The following MAST2 variants were observed in gnomAD, a reference collection of about 807,000 sequenced individuals.
MAST2 encodes microtubule-associated serine/threonine-protein kinase 2.
A neutral mutation model predicts 147.4 loss-of-function variants in MAST2; 70 were observed. That is an observed-to-expected ratio of 0.47 (90% CI 0.39 to 0.58). The LOEUF (loss-of-function observed/expected upper bound fraction) is 0.58, where lower values mean the gene tolerates loss of function less well. Ranked by LOEUF, MAST2 falls within the 20% of genes least tolerant of loss-of-function variation. The pLI is 0.00. For synonymous variants in MAST2, 869 were observed against 896.8 expected, an observed-to-expected ratio of 0.97 and a Z score of 0.55; for missense variants, 2,080 against 2,302.3, an observed-to-expected ratio of 0.90 and a Z score of 1.98.
intron 7 of MAST2, among the ~76,000 whole-genome samples, chr1:46,005,090 C>T (rs1314871915): frequency 6.6e-6 from 1 of 152,140 alleles, no homozygotes; most frequent in Admixed American, 6.5e-5. Context: ...AGGCTGGGCG[C>T]GGTGGCTCAC....
chr1:45,973,228 C>G (rs925607977), intron 5 of MAST2, among the ~76,000 whole-genome samples: 1 of 143,502 alleles, frequency 7.0e-6, no homozygotes, highest in African/African-American at 2.7e-5. Context: ...AACTCCAGTT[C>G]TTAAGACTTT....
intron 11 of MAST2, among the ~76,000 whole-genome samples, 178 bp downstream of exon 11, chr1:46,019,875 G>A (rs574749725): frequency 3.9e-5 from 6 of 152,344 alleles, no homozygotes; most frequent in East Asian, 3.9e-4. Flanking sequence ...ACAAATGTAT[G>A]GTCCTGAGGG....
rs1652552006 is a variant in MAST2 at position 45,916,557 on chromosome 1, T to C, written c.500+34162T>C. ...ATCTAAAATTTAAGTAGAAGCAAAA[T>C]ACATAGTTAACTGACATTATATGAT... On this transcript the variant is annotated intron_variant, in intron 4 of 28. Coordinates refer to ENST00000361297, the MANE Select transcript of MAST2 (RefSeq NM_015112.3). Among the ~76,000 whole-genome samples the C allele has an allele frequency of 2.0e-5, 3 of 152,316 alleles. No individual in the cohort carries two copies. The East Asian group carries it at 5.8e-4, about 29-fold the overall frequency.
At chr1:45,928,679 C>T (rs1340444338) in intron 4 of MAST2, among the ~76,000 whole-genome samples, 1 of 151,700 alleles carries the variant, frequency 6.6e-6, no homozygotes, top group Non-Finnish European at 1.5e-5. Context: ...ACTCCAGGCT[C>T]AAACAATCCT....
intron 17 of MAST2, 143 bp downstream of exon 17, chr1:46,028,006 C>T: frequency 2.2e-6 from 2 of 923,570 alleles, no homozygotes; most frequent in Non-Finnish European, 3.3e-6. Flanking sequence ...AGTGAGACCC[C>T]ATCTCTACAT....
Position 45,963,092 on chromosome 1 carries a change from C to A in MAST2, c.592+3615C>A, listed in dbSNP as rs200512669. On this transcript the variant is annotated intron_variant, in intron 5 of 28. Coordinates refer to ENST00000361297, the MANE Select transcript of MAST2 (RefSeq NM_015112.3). ...TGGTTGTAGATGTGTGGTATTATTTCTGAGGGCTCTGTTCTGTTCCATTGG... is the reference window on the plus strand; with the variant it reads ...TGGTTGTAGATGTGTGGTATTATTTATGAGGGCTCTGTTCTGTTCCATTGG... Among the ~76,000 whole-genome samples the A allele has an allele frequency of 2.9e-3, 443 of 152,186 alleles. 3 individuals are homozygous for A. The highest frequency in any genetic ancestry group is 0.021 in the East Asian group (107 of 5,186).
chr1:45,963,618 C>T (rs2148936882), intron 5 of MAST2, among the ~76,000 whole-genome samples: 1 of 152,224 alleles, frequency 6.6e-6, no homozygotes, highest in East Asian at 1.9e-4. Flanking sequence ...GATTTTGTTT[C>T]CTGAGACTGC....
intron 2 of MAST2, among the ~76,000 whole-genome samples, chr1:45,825,358 A>G (rs1297893407): frequency 1.3e-5 from 2 of 151,652 alleles, no homozygotes; most frequent in Non-Finnish European, 2.9e-5. Context: ...TGCTGGTCAT[A>G]TATTTAGTTA....
At position 46,031,361 on chromosome 1, in the gene MAST2, G is replaced by A. The variant is rs778739899; in HGVS notation, c.2993-30G>A. The A allele has an allele frequency of 1.6e-5, 25 of 1,591,224 alleles. No individual in the cohort carries two copies. The highest frequency in any genetic ancestry group is 2.7e-5 in the African/African-American group (2 of 74,566). ...CAGGGCAGGGAGGCTCAGCGGCATCGCGGGTCTCACTGCTTACTTGGGCCT... is the reference window on the plus strand; with the variant it reads ...CAGGGCAGGGAGGCTCAGCGGCATCACGGGTCTCACTGCTTACTTGGGCCT... On this transcript the variant is annotated intron_variant, in intron 23 of 28. Coordinates refer to ENST00000361297, the MANE Select transcript of MAST2 (RefSeq NM_015112.3). The surrounding 1 kb of genome is among the most constrained non-coding windows in gnomAD (Gnocchi z 4.1).
At chr1:45,949,720 A>G (rs1201202620) in intron 4 of MAST2, among the ~76,000 whole-genome samples, 1 of 152,246 alleles carries the variant, frequency 6.6e-6, no homozygotes, top group Admixed American at 6.5e-5. Flanking sequence ...ATTACTAGGT[A>G]TATACCCAGA....
At chr1:45,953,003 C>G (rs991246557) in intron 4 of MAST2, among the ~76,000 whole-genome samples, 1 of 151,840 alleles carries the variant, frequency 6.6e-6, no homozygotes, top group African/African-American at 2.4e-5. Context: ...TAAGATAGAC[C>G]TGAAATAATA....
At chr1:45,910,262 C>T (rs1032525984) in intron 4 of MAST2, among the ~76,000 whole-genome samples, 7 of 151,744 alleles carry the variant, frequency 4.6e-5, no homozygotes, top group Non-Finnish European at 8.8e-5. Context: ...AAAAATAAGA[C>T]GTAGTTATAT....
intron 3 of MAST2, among the ~76,000 whole-genome samples, chr1:45,843,705 AT>A (rs1251590709): frequency 6.6e-6 from 1 of 152,214 alleles, no homozygotes; most frequent in African/African-American, 2.4e-5. Context: ...AGGAGTTTAG[AT>A]AAAGTGCATT....
At chr1:45,954,750 T>C (rs970159286) in intron 4 of MAST2, among the ~76,000 whole-genome samples, 1 of 152,198 alleles carries the variant, frequency 6.6e-6, no homozygotes, top group Non-Finnish European at 1.5e-5. Flanking sequence ...GACCTTTTTT[T>C]CCCCTGGCAG....
At chr1:45,960,523 GAA>G (rs1305389702) in intron 5 of MAST2, among the ~76,000 whole-genome samples, 1 of 152,080 alleles carries the variant, frequency 6.6e-6, no homozygotes, top group Admixed American at 6.6e-5. Context: ...AAAAAGAAAA[GAA>G]AAGAAATACG....
At chr1:45,883,473 C>G (rs193025790) in intron 4 of MAST2, among the ~76,000 whole-genome samples, 1 of 152,136 alleles carries the variant, frequency 6.6e-6, no homozygotes, top group African/African-American at 2.4e-5. Flanking sequence ...TCAGTCTTGA[C>G]CATGCCATTT....
At chr1:45,923,603 G>A (rs1353587205) in intron 4 of MAST2, among the ~76,000 whole-genome samples, 1 of 152,166 alleles carries the variant, frequency 6.6e-6, no homozygotes, top group African/African-American at 2.4e-5. Context: ...AGCTGTATAA[G>A]TGGCAGAACT....
At chr1:45,820,151 A>G (rs1272687343) in intron 1 of MAST2, among the ~76,000 whole-genome samples, 1 of 152,234 alleles carries the variant, frequency 6.6e-6, no homozygotes, top group Admixed American at 6.5e-5. Flanking sequence ...GCAGATATCT[A>G]CATGCAGAAG....
chr1:45,881,464 GA>G (rs1221567531), intron 3 of MAST2, among the ~76,000 whole-genome samples: 1 of 152,128 alleles, frequency 6.6e-6, no homozygotes. Context: ...AACACGTATT[GA>G]AAATATTTAA....
Sources: allele counts gnomAD v4.1 joint callset (sites outside exome capture counted in the v4.1 genomes callset), GRCh38; gene constraint gnomAD v4.1.1; non-coding constraint Gnocchi (gnomAD v3.1); transcripts MANE v1.5; gene names NCBI Gene and HGNC (gene_info 2026-07-23, HGNC 2026-07-21).